Variants in GARS1 observed in about 807,000 individuals in gnomAD.
The protein encoded by GARS1 is glycine--tRNA ligase.
Under a neutral mutation model 86.4 loss-of-function variants are expected in GARS1, and 46 were observed. The ratio of observed to expected loss-of-function variants is 0.53; its 90% CI spans 0.42 to 0.68. The LOEUF (loss-of-function observed/expected upper bound fraction) is 0.68, where lower values mean the gene tolerates loss of function less well. Ranked by LOEUF, GARS1 falls within the 30% of genes least tolerant of loss-of-function variation. The pLI, the probability that GARS1 is intolerant of heterozygous loss-of-function variation, is 0.00. For missense variants in GARS1, 797 were observed against 915.6 expected (o/e 0.87, Z 1.67); for synonymous variants, 342 against 329.8 (o/e 1.04, Z -0.40).
intron 14 of GARS1, among the ~76,000 whole-genome samples, chr7:30,629,788 C>T (rs1783200676): frequency 6.6e-6 from 1 of 152,166 alleles, no homozygotes; most frequent in Non-Finnish European, 1.5e-5. Context: ...GGGCTAGGCC[C>T]CAGGTGCGCA....
At chr7:30,627,630 A>G (rs926372308) in intron 13 of GARS1, among the ~76,000 whole-genome samples, 2 of 152,212 alleles carry the variant, frequency 1.3e-5, no homozygotes, top group Admixed American at 6.5e-5. Context: ...TCTTACCCAC[A>G]TGAAGAGCTG....
intron 14 of GARS1, among the ~76,000 whole-genome samples, chr7:30,630,543 G>A (rs533817989): frequency 8.3e-6 from 1 of 120,424 alleles, no homozygotes; most frequent in African/African-American, 3.3e-5. Context: ...TTTTGGTCTC[G>A]CTTTGTTGCT....
chr7:30,624,652 C>T (rs914457406), intron 12 of GARS1, among the ~76,000 whole-genome samples: 3 of 151,606 alleles, frequency 2.0e-5, no homozygotes, highest in African/African-American at 4.8e-5. Flanking sequence ...AACTAATAAA[C>T]CAATAGTGGA....
At chr7:30,616,322 T>C (rs1390697221) in intron 9 of GARS1, among the ~76,000 whole-genome samples, 1 of 152,232 alleles carries the variant, frequency 6.6e-6, no homozygotes, top group Non-Finnish European at 1.5e-5. Context: ...TGGTTTGCAT[T>C]GTGCCTCACC....
intron 3 of GARS1, 28 bp from the exon 4 acceptor site, chr7:30,601,031 G>A (rs1791364190): frequency 6.2e-7 from 1 of 1,611,260 alleles, no homozygotes; most frequent in South Asian, 1.1e-5. Flanking sequence ...ACAAGGTAAA[G>A]TATGTGTTTT....
At chr7:30,604,743 G>A (rs1791449241) in intron 6 of GARS1, among the ~76,000 whole-genome samples, 1 of 152,138 alleles carries the variant, frequency 6.6e-6, no homozygotes, top group South Asian at 2.1e-4. Context: ...TTTTGATACT[G>A]TTGAAGCCAC....
At chr7:30,631,176 G>A in intron 14 of GARS1, 1 of 368,830 alleles carries the variant, frequency 2.7e-6, no homozygotes. Context: ...AGCAAGCAGA[G>A]CAGGTGGTAG....
At chr7:30,621,575 A>G (rs992298218) in intron 11 of GARS1, 75 bp downstream of exon 11, 2 of 1,044,688 alleles carry the variant, frequency 1.9e-6, no homozygotes, top group Non-Finnish European at 3.0e-6. Flanking sequence ...CCAAGTCTTT[A>G]CCTTGTTCTA....
rs756498678 is a variant in GARS1, at chr7:30,621,430, G to T, written c.1397G>T (p.Cys466Phe). The change falls in exon 11 of 17, where the codon TGT becomes TTT. Residue 466 changes from cysteine (C) to phenylalanine (F), a missense_variant. Around this residue, in one of 2 missense-constraint regions of GARS1, gnomAD observed 598 missense variants for 738.7 expected, o/e 0.81. Coordinates refer to ENST00000389266, the MANE Select transcript of GARS1 (RefSeq NM_002047.4). ...ATTGTTGGATGTGCTGATCGTTCCT[G>T]TTATGACCTCTCCTGTCATGCACGA... The part of the protein sequence containing the change: ...IEIVGCADRS[C>F]YDLSCHARAT... 1.2e-6 allele frequency: 2 copies of T among 1,614,094 alleles called. No individual in the cohort carries two copies. The highest frequency in any genetic ancestry group is 1.7e-6 in the Non-Finnish European group (2 of 1,180,000).
chr7:30,616,984 TA>T, intron 9 of GARS1, 129 bp from the exon 10 acceptor site: 1 of 866,154 alleles, frequency 1.2e-6, no homozygotes, highest in Non-Finnish European at 1.9e-6. Flanking sequence ...GAAAGCAAGA[TA>T]AAATAGTTTG....
At chr7:30,613,492 C>T (rs981815304) in intron 8 of GARS1, among the ~76,000 whole-genome samples, 2 of 152,198 alleles carry the variant, frequency 1.3e-5, no homozygotes, top group Non-Finnish European at 2.9e-5. Flanking sequence ...CTGACCTTGT[C>T]TGAAGCCAGT....
At chr7:30,624,822 A>G (rs1783093600) in intron 12 of GARS1, among the ~76,000 whole-genome samples, 1 of 152,246 alleles carries the variant, frequency 6.6e-6, no homozygotes, top group East Asian at 1.9e-4. Flanking sequence ...ATCTATTTAT[A>G]CTAAAACAAT....
rs1279836209 is a variant in GARS1, at chr7:30,595,160, C to T, written c.222+17C>T. The T allele has an allele frequency of 6.5e-7, 1 of 1,533,612 alleles. No homozygotes were observed. ...CGCCAGCAGGTACCGGTGTTTTGCGCTCTCCGCTAAGCCTCCGGCTCTCCT... is the reference window on the plus strand; with the variant it reads ...CGCCAGCAGGTACCGGTGTTTTGCGTTCTCCGCTAAGCCTCCGGCTCTCCT... On this transcript the variant is annotated intron_variant, in intron 1 of 16. Transcript: ENST00000389266.
intron 13 of GARS1, among the ~76,000 whole-genome samples, chr7:30,626,579 A>T (rs1377786176): frequency 6.6e-6 from 1 of 152,212 alleles, no homozygotes; most frequent in Non-Finnish European, 1.5e-5. Context: ...TTGAACTCCT[A>T]GGCTCAAGCA....
intron 14 of GARS1, among the ~76,000 whole-genome samples, chr7:30,629,568 G>A (rs900213981): frequency 7.2e-5 from 11 of 152,202 alleles, no homozygotes; most frequent in Non-Finnish European, 1.3e-4. Flanking sequence ...TTGAGTGTAC[G>A]TAATGTTAGA....
intron 13 of GARS1, among the ~76,000 whole-genome samples, chr7:30,626,855 C>T (rs930294052): frequency 2.0e-5 from 3 of 152,026 alleles, no homozygotes; most frequent in Non-Finnish European, 4.4e-5. Flanking sequence ...GAGACACGCA[C>T]GTGTAATCCC....
chr7:30,632,537 T>C lies in GARS1; in HGVS notation c.2094+100T>C. On this transcript the variant is annotated intron_variant, in intron 16 of 16. Coordinates refer to ENST00000389266, the MANE Select transcript of GARS1 (RefSeq NM_002047.4). The surrounding 1 kb of genome is among the most constrained non-coding windows in gnomAD (Gnocchi z 4.1). Reference sequence around the variant, plus strand: ...ATGTGTTTATGCTCCCTTTCCTTTTTTTTTCTTTTTAATTTTAATGAACGG... The same window carrying C: ...ATGTGTTTATGCTCCCTTTCCTTTTCTTTTCTTTTTAATTTTAATGAACGG... 1 of 1,297,986 alleles carries C rather than the reference T, an allele frequency of 7.7e-7. No individual in the cohort carries two copies. The highest frequency in any genetic ancestry group is 1.1e-6 in the Non-Finnish European group (1 of 907,384). 80.4% of individuals were successfully genotyped at this position (1,297,986 alleles called of 1,614,324 possible).
chr7:30,621,960 T>C (rs1783017564), intron 11 of GARS1, among the ~76,000 whole-genome samples: 1 of 152,226 alleles, frequency 6.6e-6, no homozygotes, highest in Admixed American at 6.5e-5. Context: ...GCAGTGAAGT[T>C]ATGAGCTGAT....
At chr7:30,597,176 AT>A (rs534376252) in intron 1 of GARS1, among the ~76,000 whole-genome samples, 34 of 151,884 alleles carry the variant, frequency 2.2e-4, no homozygotes, top group African/African-American at 5.3e-4. Context: ...ACAAACGTGG[AT>A]TTTTTTTTGA....
Sources: allele counts gnomAD v4.1 joint callset (sites outside exome capture counted in the v4.1 genomes callset), GRCh38; gene constraint gnomAD v4.1.1; regional missense constraint gnomAD v4.1.1; non-coding constraint Gnocchi (gnomAD v3.1); transcripts MANE v1.5; gene names NCBI Gene and HGNC (gene_info 2026-07-23, HGNC 2026-07-21).